SPOP: variants seen among roughly 807,000 people sequenced by gnomAD.
SPOP encodes speckle type BTB/POZ protein, also known as speckle-type POZ protein.
In SPOP, 11 loss-of-function variants were observed where a neutral mutation model predicts 45.6. The observed-to-expected ratio is 0.24, with a 90% CI of 0.15 to 0.40. The LOEUF is 0.40. Ranked by LOEUF, SPOP falls within the 10% of genes least tolerant of loss-of-function variation. SPOP has a pLI of 1.00. For synonymous variants in SPOP, 166 were observed against 166.3 expected, an observed-to-expected ratio of 1.00 and a Z score of 0.01; for missense variants, 152 against 465.6, an observed-to-expected ratio of 0.33 and a Z score of 6.20.
chr17:49,656,406 T>C (rs890033959), intron 1 of SPOP, among the ~76,000 whole-genome samples: 6 of 152,308 alleles, frequency 3.9e-5, no homozygotes, highest in Admixed American at 6.5e-5. Flanking sequence ...ACTTGCATAC[T>C]ACACAACTTC....
intron 1 of SPOP, among the ~76,000 whole-genome samples, chr17:49,670,125 C>G (rs1311137699): frequency 6.6e-6 from 1 of 152,206 alleles, no homozygotes; most frequent in African/African-American, 2.4e-5. Context: ...AGCTGCATGA[C>G]CAGCTCTGTC....
intron 1 of SPOP, among the ~76,000 whole-genome samples, chr17:49,673,751 A>G (rs1305350192): frequency 6.6e-6 from 1 of 152,192 alleles, no homozygotes; most frequent in Admixed American, 6.5e-5. Flanking sequence ...TGTCTTCACA[A>G]GGTCCTCTCA....
Position 49,600,261 on chromosome 17 carries a change from C to G in SPOP, c.*117G>C. 1 of 1,370,768 alleles carries G rather than the reference C, an allele frequency of 7.3e-7. No homozygotes were observed. Among genetic ancestry groups the G allele is most frequent in the Non-Finnish European group, 1.0e-6 (1 of 986,806 alleles). 84.9% of individuals were successfully genotyped at this position (1,370,768 alleles called of 1,614,324 possible). ...AAAGTCTGGGGCCACAATGCAGTCT[C>G]TTCCCCTCACAACAGAGTAAAAGCT... On this transcript the variant is annotated 3_prime_UTR_variant, in exon 10 of 10. Transcript: ENST00000504102. This position sits in a 1 kb window ranked among gnomAD's most constrained non-coding sequence, Gnocchi z 4.2.
intron 1 of SPOP, among the ~76,000 whole-genome samples, chr17:49,623,706 A>G (rs1366097230): frequency 6.6e-6 from 1 of 152,086 alleles, no homozygotes; most frequent in Admixed American, 6.6e-5. Flanking sequence ...CTTTCTCTGC[A>G]GCATTCGTGA....
intron 1 of SPOP, among the ~76,000 whole-genome samples, chr17:49,637,301 T>C (rs2072559196): frequency 6.6e-6 from 1 of 152,152 alleles, no homozygotes; most frequent in African/African-American, 2.4e-5. Context: ...TTCTTAGTCA[T>C]CTCTCAAAAA....
intron 3 of SPOP, among the ~76,000 whole-genome samples, chr17:49,620,259 G>C (rs2072193365): frequency 6.6e-6 from 1 of 152,096 alleles, no homozygotes; most frequent in Admixed American, 6.5e-5. Flanking sequence ...GCCAAGGCAG[G>C]CAGATCACTT....
chr17:49,667,178 T>TAA lies in SPOP; in HGVS notation c.-67+10753_-67+10754dup, dbSNP rs36082208. Among the ~76,000 whole-genome samples the TAA allele has an allele frequency of 6.8e-3, 708 of 103,466 alleles. 11 individuals are homozygous for TAA. The highest frequency in any genetic ancestry group is 0.032 in the South Asian group (102 of 3,234). 67.9% of individuals were successfully genotyped at this position (103,466 alleles called of 152,430 possible). ...AGGCGACAAGAATGAAACGCTGTCT[T>TAA]AAAAAAAAAAAAAAAAAAAAAATTA... On this transcript the variant is annotated intron_variant, in intron 1 of 9. Coordinates refer to ENST00000504102, the MANE Select transcript of SPOP (RefSeq NM_001007228.2).
chr17:49,650,233 T>C (rs1368013144), intron 1 of SPOP, among the ~76,000 whole-genome samples: 1 of 151,940 alleles, frequency 6.6e-6, no homozygotes, highest in African/African-American at 2.4e-5. Flanking sequence ...CAACTACTCA[T>C]AGTGGGACCG....
intron 1 of SPOP, among the ~76,000 whole-genome samples, chr17:49,650,351 G>A (rs1243222071): frequency 6.6e-6 from 1 of 151,912 alleles, no homozygotes; most frequent in African/African-American, 2.4e-5. Context: ...AGGCTGAGGC[G>A]GGCAGATCAC....
At position 49,599,300 on chromosome 17, in the gene SPOP, T is replaced by C. The variant is rs2071695898; in HGVS notation, c.*1078A>G. 1 of 220,762 alleles carries C rather than the reference T, an allele frequency of 4.5e-6. No individual in the cohort carries two copies. The highest frequency in any genetic ancestry group is 5.8e-5 in the Admixed American group (1 of 17,342). 13.7% of individuals were successfully genotyped at this position (220,762 alleles called of 1,614,324 possible). A position where few individuals can be genotyped will look rare whatever the true frequency, so the allele number is the denominator to read the frequency against. Reference sequence around the variant, plus strand: ...ACCACACAGTACAAAATAGTAATTATTTATATTTTCAAAAAAAAAAAAATT... The same window carrying C: ...ACCACACAGTACAAAATAGTAATTACTTATATTTTCAAAAAAAAAAAAATT... On this transcript the variant is annotated 3_prime_UTR_variant, in exon 10 of 10. Transcript: ENST00000504102.
In SPOP at chr17:49,619,989, T is replaced by C. The variant is rs1043139954; in HGVS notation, c.201-604A>G. On this transcript the variant is annotated intron_variant, in intron 3 of 9. Coordinates refer to ENST00000504102, the MANE Select transcript of SPOP (RefSeq NM_001007228.2). This position sits in a 1 kb window ranked among gnomAD's most constrained non-coding sequence, Gnocchi z 4.9. ...GCCTGGCCAACGTGGTGAAACCCCG[T>C]CTCTACTAAAAATAAAAAATAAAGA... Among the ~76,000 whole-genome samples the C allele has an allele frequency of 2.0e-5, 3 of 150,710 alleles. No individual in the cohort carries two copies. Among genetic ancestry groups the C allele is most frequent in the Non-Finnish European group, 4.4e-5 (3 of 67,758 alleles).
At chr17:49,630,552 T>C (rs2072431400) in intron 1 of SPOP, among the ~76,000 whole-genome samples, 1 of 152,220 alleles carries the variant, frequency 6.6e-6, no homozygotes, top group Non-Finnish European at 1.5e-5. Context: ...ATGTCTTTTA[T>C]CGGGTTCATG....
intron 9 of SPOP, 176 bp downstream of exon 9, chr17:49,601,689 T>C (rs1178561742): frequency 2.7e-6 from 2 of 729,256 alleles, no homozygotes; most frequent in Admixed American, 6.0e-5. Context: ...ACCAATAGGA[T>C]TCAACCCATG....
intron 1 of SPOP, 39 bp downstream of exon 1, chr17:49,677,894 A>G: frequency 1.4e-5 from 1 of 73,522 alleles, no homozygotes. Flanking sequence ...CCACTCCGAC[A>G]GGACAACCCC....
In SPOP at chr17:49,600,203, C is replaced by T. The variant is rs1408226647; in HGVS notation, c.*175G>A. On this transcript the variant is annotated 3_prime_UTR_variant, in exon 10 of 10. Coordinates refer to ENST00000504102, the MANE Select transcript of SPOP (RefSeq NM_001007228.2). The surrounding 1 kb of genome is among the most constrained non-coding windows in gnomAD (Gnocchi z 4.2). The stretch of plus-strand genomic sequence containing the variant: ...GGGTTTTCATTTCATTTTCCCTCCC[C>T]CCGTTTCCCCCAAGTTATTTAGTGC... The T allele has an allele frequency of 2.4e-6, 2 of 825,814 alleles. No individual in the cohort carries two copies. The highest frequency in any genetic ancestry group is 3.8e-6 in the Non-Finnish European group (2 of 520,482). The allele number at this position is 825,814 out of a possible 1,614,324, so 51.2% of individuals were successfully genotyped here.
chr17:49,612,592 C>T (rs2071997213), intron 5 of SPOP, among the ~76,000 whole-genome samples: 1 of 152,230 alleles, frequency 6.6e-6, no homozygotes, highest in African/African-American at 2.4e-5. Flanking sequence ...CAGTGAAACT[C>T]AGATAAATCT....
At position 49,619,500 on chromosome 17, in the gene SPOP, T is replaced by G; in HGVS notation, c.201-115A>C. On this transcript the variant is annotated intron_variant, in intron 3 of 9. Transcript: ENST00000504102. The surrounding 1 kb of genome is among the most constrained non-coding windows in gnomAD (Gnocchi z 4.9). Reference sequence around the variant, plus strand: ...AACAAATGCAGGCCCCATAGAAGAATATAATTCAGTAGAATGACTAGTTGG... The same window carrying G: ...AACAAATGCAGGCCCCATAGAAGAAGATAATTCAGTAGAATGACTAGTTGG... The G allele has an allele frequency of 1.8e-5, 19 of 1,080,588 alleles. No individual in the cohort carries two copies. The highest frequency in any genetic ancestry group is 2.6e-5 in the East Asian group (1 of 38,764). 66.9% of individuals were successfully genotyped at this position (1,080,588 alleles called of 1,614,324 possible). A position where few individuals can be genotyped will look rare whatever the true frequency, so the allele number is the denominator to read the frequency against.
intron 1 of SPOP, among the ~76,000 whole-genome samples, chr17:49,643,134 G>A (rs1451661918): frequency 1.3e-5 from 2 of 152,206 alleles, no homozygotes; most frequent in South Asian, 4.1e-4. Flanking sequence ...AAAGATAGTT[G>A]ATATATTCAT....
At chr17:49,607,074 G>A in intron 8 of SPOP, 176 bp downstream of exon 8, 1 of 666,514 alleles carries the variant, frequency 1.5e-6, no homozygotes, top group East Asian at 2.9e-5. Context: ...ACACTTTTGA[G>A]AATAAAAAGT....
Sources: gnomAD v4.1 joint callset for allele counts (sites outside exome capture counted in the v4.1 genomes callset) on GRCh38, gnomAD v4.1.1 for gene constraint, Gnocchi (gnomAD v3.1) non-coding constraint, MANE v1.5 for transcripts, NCBI Gene and HGNC (gene_info 2026-07-23, HGNC 2026-07-21) for gene names.